The following CLIP1 variants were observed in gnomAD, a reference collection of about 807,000 sequenced individuals.
CLIP1 encodes the protein CAP-Gly domain-containing linker protein 1.
CLIP1 carries 66 observed loss-of-function variants against 161.6 expected under a neutral mutation model. The ratio of observed to expected loss-of-function variants is 0.41; its 90% confidence interval spans 0.33 to 0.50. The LOEUF (loss-of-function observed/expected upper bound fraction) is 0.50, where lower values mean the gene tolerates loss of function less well. Among genes scored for constraint, CLIP1 ranks in the 20% least tolerant of loss-of-function variants. CLIP1 has a pLI of 0.27. For synonymous variants in CLIP1, 598 were observed against 626.2 expected (o/e 0.96, Z 0.67); for missense variants, 1,376 against 1,702.0 (o/e 0.81, Z 3.37).
At chr12:122,292,256 G>A (rs1950278976) in intron 20 of CLIP1, among the ~76,000 whole-genome samples, 1 of 151,798 alleles carries the variant, frequency 6.6e-6, no homozygotes, top group Non-Finnish European at 1.5e-5. Context: ...GCCCATCTTG[G>A]CCTCCCAAAG....
chr12:122,418,281 CAGAT>C (rs956951427), intron 1 of CLIP1, among the ~76,000 whole-genome samples: 8 of 149,358 alleles, frequency 5.4e-5, no homozygotes, highest in Admixed American at 1.3e-4. Flanking sequence ...TTACAGCCCA[CAGAT>C]AGGTATACCA....
At chr12:122,422,903 C>T (rs907177973), upstream of CLIP1, among the ~76,000 whole-genome samples, 2 of 151,926 alleles carry the variant, frequency 1.3e-5, no homozygotes, top group Non-Finnish European at 2.9e-5. Flanking sequence ...GAGCAAGGTG[C>T]GAGGGAAAAC....
chr12:122,334,749 T>C (rs755458015), intron 12 of CLIP1, 44 bp from the exon 13 acceptor site: 3 of 1,228,626 alleles, frequency 2.4e-6, no homozygotes, highest in Admixed American at 4.0e-5. Flanking sequence ...AGATTTCAAA[T>C]TGTAAAGACA....
Position 122,354,508 on chromosome 12 carries a change from C to A in CLIP1, c.1252G>T (p.Glu418Ter). 1.2e-6 allele frequency: 2 copies of A among 1,613,938 alleles called. No individual in the cohort carries two copies. The highest frequency in any genetic ancestry group is 1.7e-6 in the Non-Finnish European group (2 of 1,179,904). The change falls in exon 7 of 26, where the codon GAA becomes TAA. Residue 418 changes from glutamate to a stop codon, truncating the protein, a stop_gained. Coordinates refer to ENST00000620786, the MANE Select transcript of CLIP1 (RefSeq NM_001247997.2). LOFTEE classifies it high-confidence loss of function. ...AKMDQLRTMV[E>*]AADREKVELL... ...TCCACCTTCTCCCTGTCAGCAGCTTCCACCATTGTTCGCAGCTGGTCCATT... is the reference window on the plus strand; with the variant it reads ...TCCACCTTCTCCCTGTCAGCAGCTTACACCATTGTTCGCAGCTGGTCCATT...
At chr12:122,404,061 G>C (rs758852707) in intron 1 of CLIP1, among the ~76,000 whole-genome samples, 1 of 152,178 alleles carries the variant, frequency 6.6e-6, no homozygotes, top group Non-Finnish European at 1.5e-5. Context: ...ATGAGTGAGC[G>C]GTCTACGCGA....
Position 122,287,071 on chromosome 12 carries a change from C to T in CLIP1, c.3647+1418G>A, listed in dbSNP as rs185734033. Among the ~76,000 whole-genome samples, 274 of 152,074 alleles carry T rather than the reference C, an allele frequency of 1.8e-3. 1 individual carries two copies. Among genetic ancestry groups the T allele is most frequent in the African/African-American group, 5.8e-3 (240 of 41,474 alleles). ...CCTGTAGTCCCAGCCACTTGGGAGGCTGAGAGGTCGGAAGATCAATTGAGC... is the reference window on the plus strand; with the variant it reads ...CCTGTAGTCCCAGCCACTTGGGAGGTTGAGAGGTCGGAAGATCAATTGAGC... On this transcript the variant is annotated intron_variant, in intron 21 of 25. Transcript: ENST00000620786.
chr12:122,418,681 C>A (rs1426288472), intron 1 of CLIP1, among the ~76,000 whole-genome samples: 1 of 152,100 alleles, frequency 6.6e-6, no homozygotes, highest in Non-Finnish European at 1.5e-5. Flanking sequence ...ACTGCTTGAG[C>A]CCAGGAGGGA....
At chr12:122,364,201 C>A in intron 3 of CLIP1, 94 bp from the exon 4 acceptor site, 1 of 1,423,488 alleles carries the variant, frequency 7.0e-7, no homozygotes, top group South Asian at 1.2e-5. Flanking sequence ...TACATTCCAT[C>A]ATTTCCACCA....
chr12:122,390,269 T>C (rs1376136703), intron 1 of CLIP1, among the ~76,000 whole-genome samples: 12 of 51,516 alleles, frequency 2.3e-4, no homozygotes, highest in East Asian at 1.7e-3. Context: ...TACACACACA[T>C]ATATATATAC....
At chr12:122,404,911 A>C (rs1395937557) in intron 1 of CLIP1, among the ~76,000 whole-genome samples, 13 of 148,136 alleles carry the variant, frequency 8.8e-5, no homozygotes, top group East Asian at 3.9e-4. Flanking sequence ...AAAAAAAAAA[A>C]CAAAACAAAA....
At chr12:122,357,999 G>A (rs55639239) in intron 5 of CLIP1, among the ~76,000 whole-genome samples, 3 of 152,146 alleles carry the variant, frequency 2.0e-5, no homozygotes, top group African/African-American at 7.2e-5. Context: ...AATAGAAAGG[G>A]GGGAAAGGTG....
chr12:122,306,452 C>T (rs1486915941), intron 20 of CLIP1, among the ~76,000 whole-genome samples: 1 of 152,026 alleles, frequency 6.6e-6, no homozygotes, highest in African/African-American at 2.4e-5. Flanking sequence ...CACCAAACAC[C>T]CATGCATTCA....
intron 21 of CLIP1, chr12:122,280,819 G>C (rs1955616692): frequency 6.6e-6 from 1 of 152,246 alleles, no homozygotes; most frequent in Non-Finnish European, 1.5e-5. Flanking sequence ...AGTTTCCTAG[G>C]CTAGGCCACA....
intron 4 of CLIP1, among the ~76,000 whole-genome samples, chr12:122,363,037 TAAC>T (rs1179045561): frequency 1.3e-5 from 2 of 152,210 alleles, no homozygotes; most frequent in East Asian, 3.8e-4. Flanking sequence ...AGTAAAATGT[TAAC>T]TACCACATTT....
At chr12:122,315,733 C>G (rs1022455229) in intron 19 of CLIP1, among the ~76,000 whole-genome samples, 1 of 151,552 alleles carries the variant, frequency 6.6e-6, no homozygotes, top group Non-Finnish European at 1.5e-5. Context: ...CTCCGCCTCC[C>G]GGGTTCACGC....
In CLIP1 at chr12:122,411,553, T is replaced by C. The variant is rs147790444; in HGVS notation, c.-107+10968A>G. ...ATTGGGGTATATCTACACAACAGAATATTACTCAACCATAAAAAGGAATCA... is the reference window on the plus strand; with the variant it reads ...ATTGGGGTATATCTACACAACAGAACATTACTCAACCATAAAAAGGAATCA... On this transcript the variant is annotated intron_variant, in intron 1 of 25. Transcript: ENST00000620786. Among the ~76,000 whole-genome samples, 179 of 152,290 alleles carry C rather than the reference T, an allele frequency of 1.2e-3. 2 individuals are homozygous for C. The East Asian group carries it at 0.033, about 28-fold the overall frequency.
chr12:122,289,333 C>A (rs368298757), intron 20 of CLIP1, among the ~76,000 whole-genome samples: 219 of 151,934 alleles, frequency 1.4e-3, no homozygotes, highest in African/African-American at 4.8e-3. Context: ...GCAGGAGAAT[C>A]GCTTGAACCC....
intron 1 of CLIP1, chr12:122,395,331 C>A (rs866612638): frequency 2.6e-5 from 4 of 152,264 alleles, no homozygotes; most frequent in Middle Eastern, 6.8e-3. Context: ...AATGTCTTTA[C>A]TTTTTATCTA....
rs968749097 is a variant in CLIP1 at position 122,422,576 on chromosome 12, C to T, written c.-162G>A. 2.7e-5 allele frequency: 4 copies of T among 150,066 alleles called. No individual in the cohort carries two copies. Among genetic ancestry groups the T allele is most frequent in the Non-Finnish European group, 4.5e-5 (3 of 67,044 alleles). 9.3% of individuals were successfully genotyped at this position (150,066 alleles called of 1,614,324 possible). On this transcript the variant is annotated 5_prime_UTR_variant, in exon 1 of 26. Coordinates refer to ENST00000620786, the MANE Select transcript of CLIP1 (RefSeq NM_001247997.2). ...GTCCCACTGCAGCAGCAGCAGCCGCCGCGGCCGCCGCCTCCCGCCTCCCGG... is the reference window on the plus strand; with the variant it reads ...GTCCCACTGCAGCAGCAGCAGCCGCTGCGGCCGCCGCCTCCCGCCTCCCGG...
Sources: gnomAD v4.1 joint callset for allele counts (sites outside exome capture counted in the v4.1 genomes callset) on GRCh38, gnomAD v4.1.1 for gene constraint, MANE v1.5 for transcripts, NCBI Gene and HGNC (gene_info 2026-07-23, HGNC 2026-07-21) for gene names.